DLC1: variants seen among roughly 807,000 people sequenced by gnomAD.
DLC1 encodes the protein rho GTPase-activating protein 7.
In DLC1, 54 loss-of-function variants were observed where a neutral mutation model predicts 140.3. The ratio of observed to expected loss-of-function variants is 0.38; its 90% confidence interval spans 0.31 to 0.48. DLC1 has a LOEUF of 0.48. DLC1 is among the 20% of genes least tolerant of loss of function. The pLI, the probability that DLC1 is intolerant of heterozygous loss-of-function variation, is 0.96. For missense variants in DLC1, 2,536 were observed against 1,907.0 expected (o/e 1.33, Z -6.14); for synonymous variants, 986 against 728.1 (o/e 1.35, Z -5.70).
intron 5 of DLC1, among the ~76,000 whole-genome samples, chr8:13,209,673 C>G (rs149909739): frequency 1.4e-3 from 213 of 152,086 alleles, no homozygotes; most frequent in African/African-American, 4.8e-3. Flanking sequence ...GTACTGTCCT[C>G]GTGATAGTCA....
At chr8:13,363,261 G>T (rs1372185232) in intron 4 of DLC1, among the ~76,000 whole-genome samples, 2 of 152,144 alleles carry the variant, frequency 1.3e-5, no homozygotes, top group Non-Finnish European at 2.9e-5. Flanking sequence ...TTTGCTCCCT[G>T]AGGGCAGAGT....
At chr8:13,147,699 G>C (rs1823535067) in intron 5 of DLC1, among the ~76,000 whole-genome samples, 1 of 151,892 alleles carries the variant, frequency 6.6e-6, no homozygotes, top group African/African-American at 2.4e-5. Context: ...CCACAGAAAA[G>C]CATTTATTGG....
At chr8:13,366,458 T>A (rs532046831) in intron 4 of DLC1, among the ~76,000 whole-genome samples, 24 of 152,270 alleles carry the variant, frequency 1.6e-4, no homozygotes, top group Non-Finnish European at 3.2e-4. Context: ...GGTTCTATGG[T>A]TAACACTATG....
intron 2 of DLC1, among the ~76,000 whole-genome samples, chr8:13,470,792 A>G (rs1429927332): frequency 1.3e-5 from 2 of 152,206 alleles, no homozygotes; most frequent in African/African-American, 4.8e-5. Context: ...AAAGGAAAGG[A>G]AATCAGTACC....
chr8:13,327,427 T>TTAAAGCA (rs1417838207), intron 4 of DLC1, among the ~76,000 whole-genome samples: 1 of 152,126 alleles, frequency 6.6e-6, no homozygotes, highest in Non-Finnish European at 1.5e-5. Context: ...CCCATACTTA[T>TTAAAGCA]TAAAGCATAA....
intron 4 of DLC1, among the ~76,000 whole-genome samples, chr8:13,367,201 C>T (rs1041526768): frequency 6.6e-6 from 1 of 152,002 alleles, no homozygotes; most frequent in Non-Finnish European, 1.5e-5. Context: ...GCTGTCATAC[C>T]TTGGGTCTTG....
chr8:13,358,143 C>G (rs1617254), intron 4 of DLC1, among the ~76,000 whole-genome samples: 71,221 of 152,014 alleles, frequency 0.47, 17,546 homozygotes, highest in East Asian at 0.81. Context: ...TCCTATTCAC[C>G]GTAAGTTTTT....
intron 4 of DLC1, among the ~76,000 whole-genome samples, chr8:13,365,363 A>T (rs1000092777): frequency 2.6e-5 from 4 of 152,146 alleles, no homozygotes; most frequent in Admixed American, 1.3e-4. Context: ...GTGGTAAGTG[A>T]CTGCACAGCT....
intron 7 of DLC1, among the ~76,000 whole-genome samples, chr8:13,104,024 T>C (rs1037420319): frequency 1.3e-5 from 2 of 152,176 alleles, no homozygotes; most frequent in Admixed American, 6.5e-5. Context: ...CGATGAATCA[T>C]AATCTTGGAC....
At chr8:13,155,346 C>G (rs1453062714) in intron 5 of DLC1, among the ~76,000 whole-genome samples, 1 of 143,734 alleles carries the variant, frequency 7.0e-6, no homozygotes, top group East Asian at 2.1e-4. Flanking sequence ...ACAAAACCAC[C>G]TCCACCAAAA....
intron 5 of DLC1, among the ~76,000 whole-genome samples, chr8:13,209,121 C>T (rs1051610548): frequency 6.6e-6 from 1 of 152,062 alleles, no homozygotes; most frequent in Non-Finnish European, 1.5e-5. Flanking sequence ...ATAAAAAGAT[C>T]TTTGGACTGG....
chr8:13,427,318 C>G (rs950411461), intron 2 of DLC1, among the ~76,000 whole-genome samples: 1 of 152,158 alleles, frequency 6.6e-6, no homozygotes, highest in Non-Finnish European at 1.5e-5. Flanking sequence ...CTGGCTCATT[C>G]TGTTCTGTCC....
chr8:13,556,098 G>A (rs139434283), intron 1 of DLC1, among the ~76,000 whole-genome samples: 19 of 152,172 alleles, frequency 1.2e-4, no homozygotes, highest in African/African-American at 4.3e-4. Flanking sequence ...TCTGTGCTAG[G>A]GCAGTGCTTC....
rs71207138 is a variant in DLC1, at chr8:13,295,942, G to GTTTTTTT, written c.1348+9320_1348+9326dup. Among the ~76,000 whole-genome samples the GTTTTTTT allele has an allele frequency of 4.9e-4, 36 of 72,892 alleles. 5 individuals are homozygous for GTTTTTTT. The highest frequency in any genetic ancestry group is 1.1e-3 in the East Asian group (2 of 1,768). 47.8% of individuals were successfully genotyped at this position (72,892 alleles called of 152,430 possible). A position where few individuals can be genotyped will look rare whatever the true frequency, so the allele number is the denominator to read the frequency against. On this transcript the variant is annotated intron_variant, in intron 5 of 17. Transcript: ENST00000276297. The stretch of plus-strand genomic sequence containing the variant: ...AAGAGATGATCAGATAAGATTCTTT[G>GTTTTTTT]TTTTTTTTTTTTTTTTTTTTTTTTT...
chr8:13,402,573 C>T (rs1837345355), intron 2 of DLC1, among the ~76,000 whole-genome samples: 1 of 152,198 alleles, frequency 6.6e-6, no homozygotes. Flanking sequence ...CTTATGTTGC[C>T]ATCCTCTCCA....
chr8:13,095,359 G>A (rs1818423959), intron 10 of DLC1, 114 bp from the exon 11 acceptor site: 3 of 1,310,156 alleles, frequency 2.3e-6, no homozygotes, highest in Admixed American at 2.3e-5. Context: ...CTAATACGGT[G>A]GCTACTTAAA....
chr8:13,506,567 A>ATGTG lies in DLC1; in HGVS notation c.-125-6375_-125-6372dup, dbSNP rs1487289216. ...TGGACACACACACACACACACACAC[A>ATGTG]TGTGTGTGTGTGTGTATATATATAT... is the stretch of plus-strand genomic sequence containing the variant. On this transcript the variant is annotated intron_variant, in intron 1 of 17. Transcript: ENST00000276297. 6.1e-3 allele frequency among the ~76,000 whole-genome samples: 676 copies of ATGTG among 111,706 alleles called. 14 individuals are homozygous for ATGTG. The highest frequency in any genetic ancestry group is 0.023 in the African/African-American group (640 of 28,204). The allele number at this position is 111,706 out of a possible 152,430, so 73.3% of individuals were successfully genotyped here.
intron 5 of DLC1, among the ~76,000 whole-genome samples, chr8:13,230,597 CTT>C (rs548424340): frequency 3.1e-4 from 42 of 133,658 alleles, no homozygotes; most frequent in Admixed American, 4.5e-4. Flanking sequence ...TTTCTTTTTT[CTT>C]TTTTTTTTTT....
chr8:13,339,142 C>T (rs73663591), intron 4 of DLC1, among the ~76,000 whole-genome samples: 1,590 of 152,246 alleles, frequency 0.01, 28 homozygotes, highest in African/African-American at 0.036. Flanking sequence ...AGGAATTATG[C>T]AAACCAAACT....
Sources: gnomAD v4.1 joint callset for allele counts (sites outside exome capture counted in the v4.1 genomes callset) on GRCh38, gnomAD v4.1.1 for gene constraint, MANE v1.5 for transcripts, NCBI Gene and HGNC (gene_info 2026-07-23, HGNC 2026-07-21) for gene names.